Variants in TAFA2 observed in about 807,000 individuals in gnomAD.
TAFA2 encodes TAFA chemokine like family member 2, also known as chemokine-like protein TAFA-2.
Under a neutral mutation model 18.8 loss-of-function variants are expected in TAFA2, and 7 were observed. That is an observed-to-expected ratio of 0.37 (90% CI 0.21 to 0.70). The LOEUF (loss-of-function observed/expected upper bound fraction) is 0.70. Ranked by LOEUF, TAFA2 falls within the 30% of genes least tolerant of loss-of-function variation. The pLI is 0.53. For synonymous variants in TAFA2, 60 were observed against 54.2 expected (o/e 1.11, Z -0.47); for missense variants, 122 against 158.1 (o/e 0.77, Z 1.23).
At chr12:62,073,375 T>C (rs971487964) in intron 1 of TAFA2, among the ~76,000 whole-genome samples, 3 of 151,920 alleles carry the variant, frequency 2.0e-5, no homozygotes, top group Admixed American at 6.6e-5. Context: ...CTATATATTA[T>C]AGATAAGAAA....
At chr12:62,061,809 T>C (rs1001672295) in intron 1 of TAFA2, among the ~76,000 whole-genome samples, 10 of 152,198 alleles carry the variant, frequency 6.6e-5, no homozygotes, top group Non-Finnish European at 1.3e-4. Context: ...CAGATCAGAC[T>C]ATTTTTTTAC....
At chr12:62,066,296 ACT>A (rs1882486221) in intron 1 of TAFA2, among the ~76,000 whole-genome samples, 1 of 151,638 alleles carries the variant, frequency 6.6e-6, no homozygotes, top group Non-Finnish European at 1.5e-5. Flanking sequence ...ATCCAATTAT[ACT>A]CTTTTAGTTA....
At chr12:61,807,067 C>G (rs1436301989) in intron 2 of TAFA2, among the ~76,000 whole-genome samples, 3 of 146,306 alleles carry the variant, frequency 2.1e-5, no homozygotes, top group Non-Finnish European at 4.4e-5. Flanking sequence ...AATGTTAATC[C>G]CCAAAACAAT....
chr12:61,766,490 G>A (rs1027112263), intron 2 of TAFA2, among the ~76,000 whole-genome samples: 1 of 152,034 alleles, frequency 6.6e-6, no homozygotes, highest in Non-Finnish European at 1.5e-5. Context: ...TCTACTCTAG[G>A]AAGCTGTTAC....
At chr12:62,017,430 A>G (rs1880974906) in intron 1 of TAFA2, among the ~76,000 whole-genome samples, 1 of 152,212 alleles carries the variant, frequency 6.6e-6, no homozygotes, top group South Asian at 2.1e-4. Context: ...CTTGCTATAT[A>G]CAAGATGCTG....
chr12:62,247,460 T>C (rs1286805643), intron 1 of TAFA2, among the ~76,000 whole-genome samples: 1 of 152,224 alleles, frequency 6.6e-6, no homozygotes, highest in Non-Finnish European at 1.5e-5. Context: ...GCATTTGCCT[T>C]GTTCTTTCTT....
intron 4 of TAFA2, among the ~76,000 whole-genome samples, chr12:61,713,101 G>A (rs908092141): frequency 1.3e-5 from 2 of 152,130 alleles, no homozygotes; most frequent in African/African-American, 2.4e-5. Flanking sequence ...CATATTTTAA[G>A]TTCAGCCTAA....
intron 4 of TAFA2, among the ~76,000 whole-genome samples, chr12:61,723,836 T>TA (rs1307043656): frequency 6.6e-6 from 1 of 151,834 alleles, no homozygotes; most frequent in Non-Finnish European, 1.5e-5. Flanking sequence ...AGCTATCCCT[T>TA]AAAAAAATAC....
chr12:62,141,424 AG>A (rs1438738785), intron 1 of TAFA2, among the ~76,000 whole-genome samples: 1 of 152,152 alleles, frequency 6.6e-6, no homozygotes, highest in Non-Finnish European at 1.5e-5. Flanking sequence ...GGCTCTCCAA[AG>A]AGGTGCATGC....
At chr12:62,189,486 A>C (rs901311373) in intron 1 of TAFA2, among the ~76,000 whole-genome samples, 3 of 152,232 alleles carry the variant, frequency 2.0e-5, no homozygotes, top group East Asian at 3.8e-4. Context: ...AACAAAATAA[A>C]GTAAGGAAAG....
intron 4 of TAFA2, among the ~76,000 whole-genome samples, chr12:61,717,706 T>C (rs906080433): frequency 2.0e-5 from 3 of 152,170 alleles, no homozygotes; most frequent in African/African-American, 7.2e-5. Flanking sequence ...TGTAAATCAG[T>C]GTGAGTCTCC....
chr12:61,855,434 TGCA>T (rs1315349363), intron 2 of TAFA2, among the ~76,000 whole-genome samples: 1 of 152,188 alleles, frequency 6.6e-6, no homozygotes, highest in Non-Finnish European at 1.5e-5. Flanking sequence ...TATTAAGCTC[TGCA>T]GAAGAATCTT....
At chr12:62,042,534 T>C (rs1400851139) in intron 1 of TAFA2, among the ~76,000 whole-genome samples, 6 of 152,048 alleles carry the variant, frequency 3.9e-5, no homozygotes, top group Non-Finnish European at 2.9e-5. Flanking sequence ...AGCCTTGCCC[T>C]GAATTCTGTT....
At chr12:61,926,662 A>G (rs1352730885) in intron 1 of TAFA2, among the ~76,000 whole-genome samples, 1 of 152,058 alleles carries the variant, frequency 6.6e-6, no homozygotes, top group Non-Finnish European at 1.5e-5. Context: ...CATGCTAAAA[A>G]CTCTCAATAA....
At chr12:62,127,605 C>T (rs544447570) in intron 1 of TAFA2, among the ~76,000 whole-genome samples, 77 of 152,044 alleles carry the variant, frequency 5.1e-4, no homozygotes, top group African/African-American at 1.1e-3. Context: ...GGGGGATGGA[C>T]GTACTTTGAA....
In TAFA2 at chr12:62,163,151, G is replaced by A. The variant is rs1189946304; in HGVS notation, c.-2+28108C>T. On this transcript the variant is annotated intron_variant, in intron 1 of 4. Transcript: ENST00000416284. Reference sequence around the variant, plus strand: ...ATGCCAGGATAAAGACTTTCTGCTCGACTACTAAAATAGAACTCTACTTGT... The same window carrying A: ...ATGCCAGGATAAAGACTTTCTGCTCAACTACTAAAATAGAACTCTACTTGT... Among the ~76,000 whole-genome samples, 7 of 152,094 alleles carry A rather than the reference G, an allele frequency of 4.6e-5. No homozygotes were observed. The East Asian group carries it at 1.2e-3, about 25-fold the overall frequency.
intron 2 of TAFA2, among the ~76,000 whole-genome samples, chr12:61,829,367 A>G (rs1420509354): frequency 6.6e-6 from 1 of 151,800 alleles, no homozygotes. Context: ...ATAGATTATC[A>G]TCATTTCTTA....
intron 1 of TAFA2, among the ~76,000 whole-genome samples, chr12:62,119,297 T>G (rs574599211): frequency 1.3e-5 from 2 of 152,208 alleles, no homozygotes; most frequent in African/African-American, 4.8e-5. Flanking sequence ...GAAAAAAAAT[T>G]TGCATAGTAG....
chr12:61,887,379 G>C (rs1327454966), intron 1 of TAFA2, among the ~76,000 whole-genome samples: 1 of 151,948 alleles, frequency 6.6e-6, no homozygotes, highest in African/African-American at 2.4e-5. Flanking sequence ...AGTTAAGACA[G>C]ATAAAGCCCT....
Sources: gnomAD v4.1 joint callset for allele counts (sites outside exome capture counted in the v4.1 genomes callset) on GRCh38, gnomAD v4.1.1 for gene constraint, MANE v1.5 for transcripts, NCBI Gene and HGNC (gene_info 2026-07-23, HGNC 2026-07-21) for gene names.